The following MYO9A variants were observed in gnomAD, a reference collection of about 807,000 sequenced individuals.
The protein encoded by MYO9A is unconventional myosin-IXa.
MYO9A carries 103 observed loss-of-function variants against 293.3 expected under a neutral mutation model. The ratio of observed to expected loss-of-function variants is 0.35; its 90% CI spans 0.30 to 0.41. The LOEUF (loss-of-function observed/expected upper bound fraction) is 0.41, where lower values mean the gene tolerates loss of function less well. MYO9A is among the 10% of genes least tolerant of loss of function. The pLI is 1.00. For missense variants in MYO9A, 2,685 were observed against 3,033.0 expected (o/e 0.89, Z 2.69); for synonymous variants, 1,001 against 1,035.7 (o/e 0.97, Z 0.64).
chr15:72,076,883 G>C (rs745380495), intron 1 of MYO9A, among the ~76,000 whole-genome samples: 1 of 152,142 alleles, frequency 6.6e-6, no homozygotes, highest in East Asian at 1.9e-4. Flanking sequence ...TACACAAACA[G>C]ATCAATGAAA....
At chr15:71,975,390 C>CGTGTGT (rs57800508) in intron 12 of MYO9A, among the ~76,000 whole-genome samples, 15,162 of 86,566 alleles carry the variant, frequency 0.18, 3,879 homozygotes, top group East Asian at 0.26. Flanking sequence ...GTGATTTTAT[C>CGTGTGT]GTGTGTGTGT....
intron 11 of MYO9A, among the ~76,000 whole-genome samples, chr15:71,979,328 C>T (rs571038936): frequency 6.6e-6 from 1 of 151,748 alleles, no homozygotes; most frequent in Non-Finnish European, 1.5e-5. Flanking sequence ...AGGTATTTCC[C>T]CCCAATTTTT....
intron 1 of MYO9A, among the ~76,000 whole-genome samples, chr15:72,072,211 A>G (rs377174497): frequency 9.9e-5 from 15 of 151,774 alleles, no homozygotes; most frequent in African/African-American, 3.6e-4. Context: ...AGCTCACTGC[A>G]AGCTCCGCCT....
intron 11 of MYO9A, among the ~76,000 whole-genome samples, chr15:71,983,706 C>T (rs1284836903): frequency 1.3e-5 from 2 of 151,492 alleles, no homozygotes; most frequent in East Asian, 3.9e-4. Context: ...TGGTCTCACA[C>T]TCCTGACCTC....
At chr15:72,047,222 A>G (rs1366967669) in intron 1 of MYO9A, among the ~76,000 whole-genome samples, 1 of 152,216 alleles carries the variant, frequency 6.6e-6, no homozygotes, top group Non-Finnish European at 1.5e-5. Flanking sequence ...ACTCCCTCCC[A>G]CAAGGTGGGA....
intron 11 of MYO9A, among the ~76,000 whole-genome samples, chr15:71,989,982 C>T (rs376610186): frequency 3.9e-5 from 6 of 152,110 alleles, no homozygotes; most frequent in Middle Eastern, 3.4e-3. Flanking sequence ...GCCAAGATCA[C>T]GCCACTGTAC....
intron 6 of MYO9A, among the ~76,000 whole-genome samples, chr15:72,011,353 A>G (rs747550362): frequency 2.0e-5 from 3 of 150,836 alleles, no homozygotes; most frequent in Non-Finnish European, 3.0e-5. Context: ...AATTATTTAT[A>G]TATTTTATAT....
chr15:71,840,586 A>G (rs1307919297), intron 39 of MYO9A, among the ~76,000 whole-genome samples: 1 of 152,104 alleles, frequency 6.6e-6, no homozygotes, highest in Non-Finnish European at 1.5e-5. Flanking sequence ...TTCTTTCCAA[A>G]TGTATTTAAG....
At chr15:71,849,033 G>T in intron 38 of MYO9A, 65 bp from the exon 39 acceptor site, 1 of 1,431,492 alleles carries the variant, frequency 7.0e-7, no homozygotes, top group Non-Finnish European at 9.3e-7. Context: ...AGCACTCACA[G>T]ACTGTTTTTG....
At chr15:71,829,975 T>C in intron 40 of MYO9A, 134 bp downstream of exon 40, 1 of 978,290 alleles carries the variant, frequency 1.0e-6, no homozygotes, top group Non-Finnish European at 1.6e-6. Flanking sequence ...CTTTGTCATC[T>C]CAACATCTCC....
intron 26 of MYO9A, chr15:71,889,963 T>A (rs1462101399): frequency 6.6e-6 from 1 of 152,210 alleles, no homozygotes; most frequent in African/African-American, 2.4e-5. Context: ...TCCAAAACTC[T>A]TAAGTAATGA....
chr15:71,829,476 C>G (rs2140519746), intron 40 of MYO9A, among the ~76,000 whole-genome samples: 1 of 151,924 alleles, frequency 6.6e-6, no homozygotes, highest in African/African-American at 2.4e-5. Context: ...TACTGTCACC[C>G]AATCCCTGCA....
In MYO9A at chr15:72,117,930, C is replaced by T. The variant is rs560020564; in HGVS notation, c.-322G>A. ...CCCGCCGCACCCCGCCCAGAGAGCA[C>T]GCGTTGGACCGCCGCCTCAACCGCT... On this transcript the variant is annotated 5_prime_UTR_variant, in exon 1 of 42. It adds an upstream start codon to the 5' untranslated region. Transcript: ENST00000356056. The T allele has an allele frequency of 7.5e-6, 3 of 400,504 alleles. No homozygotes were observed. The highest frequency in any genetic ancestry group is 8.8e-6 in the Non-Finnish European group (2 of 227,702). The allele number at this position is 400,504 out of a possible 1,614,324, so 24.8% of individuals were successfully genotyped here.
At chr15:72,041,284 T>C in intron 2 of MYO9A, 2 of 956,772 alleles carry the variant, frequency 2.1e-6, no homozygotes, top group Non-Finnish European at 3.3e-6. Flanking sequence ...TTTCCTTGTA[T>C]TTATTTGCCT....
chr15:71,993,154 C>T (rs1344452036), intron 10 of MYO9A, among the ~76,000 whole-genome samples: 1 of 152,030 alleles, frequency 6.6e-6, no homozygotes, highest in Non-Finnish European at 1.5e-5. Flanking sequence ...TGTTCGAGAC[C>T]AGCCTGGCCA....
chr15:71,982,545 A>G (rs2076302343), intron 11 of MYO9A, among the ~76,000 whole-genome samples: 1 of 152,202 alleles, frequency 6.6e-6, no homozygotes, highest in Admixed American at 6.5e-5. Context: ...TATGCATATC[A>G]GTTATATATT....
At chr15:72,048,106 C>A (rs1275703189) in intron 1 of MYO9A, among the ~76,000 whole-genome samples, 2 of 151,886 alleles carry the variant, frequency 1.3e-5, no homozygotes, top group East Asian at 3.9e-4. Flanking sequence ...ATAAAAAAAA[C>A]CCAGCCATAT....
intron 30 of MYO9A, among the ~76,000 whole-genome samples, chr15:71,879,249 A>G (rs1478374787): frequency 1.3e-5 from 2 of 152,228 alleles, no homozygotes; most frequent in Non-Finnish European, 2.9e-5. Flanking sequence ...GACCAGTATC[A>G]TGTGAAAGTA....
chr15:71,939,532 A>C (rs1221873397), intron 15 of MYO9A, among the ~76,000 whole-genome samples: 1 of 152,196 alleles, frequency 6.6e-6, no homozygotes, highest in Admixed American at 6.5e-5. Flanking sequence ...AAAAGACATG[A>C]TCTTGTTCTT....
Sources: allele counts gnomAD v4.1 joint callset (sites outside exome capture counted in the v4.1 genomes callset), GRCh38; gene constraint gnomAD v4.1.1; transcripts MANE v1.5; gene names NCBI Gene and HGNC (gene_info 2026-07-23, HGNC 2026-07-21).